Variants in EYS observed in about 807,000 individuals in gnomAD.
EYS encodes protein eyes shut homolog.
A neutral mutation model predicts 282.1 loss-of-function variants in EYS; 250 were observed. The ratio of observed to expected loss-of-function variants is 0.89; its 90% CI spans 0.80 to 0.98. EYS has a LOEUF of 0.98. EYS is among the 50% of genes least tolerant of loss of function. The pLI is 0.00. For missense variants in EYS, 4,016 were observed against 3,709.0 expected (o/e 1.08, Z -2.15); for synonymous variants, 1,355 against 1,282.9 (o/e 1.06, Z -1.20).
chr6:65,687,019 A>T (rs1769043263), intron 1 of EYS, among the ~76,000 whole-genome samples: 1 of 152,086 alleles, frequency 6.6e-6, no homozygotes, highest in African/African-American at 2.4e-5. Context: ...TTCTATAGAA[A>T]TAAAAGGCAT....
At chr6:64,834,898 G>A (rs1310417684) in intron 19 of EYS, among the ~76,000 whole-genome samples, 1 of 151,696 alleles carries the variant, frequency 6.6e-6, no homozygotes, top group Non-Finnish European at 1.5e-5. Flanking sequence ...AAATAGATAA[G>A]GCTAACTGAT....
chr6:64,344,459 C>T (rs1260144058), intron 29 of EYS, among the ~76,000 whole-genome samples: 1 of 152,008 alleles, frequency 6.6e-6, no homozygotes, highest in Non-Finnish European at 1.5e-5. Context: ...ACAAAAACCA[C>T]ATGATTATCT....
chr6:65,211,065 T>TG (rs1411579089), intron 12 of EYS, among the ~76,000 whole-genome samples: 1 of 151,746 alleles, frequency 6.6e-6, no homozygotes, highest in Non-Finnish European at 1.5e-5. Flanking sequence ...AAATGTAAAA[T>TG]GGGGAAGTGT....
chr6:64,942,101 C>T (rs1182789993), intron 15 of EYS, among the ~76,000 whole-genome samples: 1 of 152,072 alleles, frequency 6.6e-6, no homozygotes, highest in Non-Finnish European at 1.5e-5. Flanking sequence ...CTCTTTTCTC[C>T]AATGCCTTAT....
intron 22 of EYS, among the ~76,000 whole-genome samples, chr6:64,775,691 T>C (rs1773658260): frequency 6.6e-6 from 1 of 152,038 alleles, no homozygotes; most frequent in Non-Finnish European, 1.5e-5. Context: ...CACAGTATTT[T>C]TGAAAGACAA....
intron 31 of EYS, among the ~76,000 whole-genome samples, chr6:64,154,813 T>G (rs149289704): frequency 3.3e-5 from 5 of 152,298 alleles, no homozygotes; most frequent in African/African-American, 1.2e-4. Flanking sequence ...AGTAGAGATA[T>G]GTCATGAGGT....
intron 13 of EYS, among the ~76,000 whole-genome samples, chr6:65,052,960 CA>C: frequency 6.6e-6 from 1 of 151,544 alleles, no homozygotes; most frequent in Non-Finnish European, 1.5e-5. Flanking sequence ...CTACAGATAT[CA>C]AAAAATATAC....
chr6:64,451,447 C>CCATT (rs1329782518), intron 26 of EYS, among the ~76,000 whole-genome samples: 1 of 152,130 alleles, frequency 6.6e-6, no homozygotes, highest in Non-Finnish European at 1.5e-5. Context: ...GGAGCTGGTA[C>CCATT]CATTCCTTCT....
chr6:64,943,257 G>A (rs1300955158), intron 15 of EYS, among the ~76,000 whole-genome samples: 3 of 152,032 alleles, frequency 2.0e-5, no homozygotes, highest in African/African-American at 7.2e-5. Context: ...CATACTAAAT[G>A]GGCAAAGTCT....
rs553605569 is a variant in EYS at position 65,007,487 on chromosome 6, C to T, written c.2138-9784G>A. ...ATTATAACACCATCTTACAGCTAGA[C>T]CTGTTTTGTAGGAAAAAGGCAAATG... On this transcript the variant is annotated intron_variant, in intron 13 of 42. Coordinates refer to ENST00000503581, the MANE Select transcript of EYS (RefSeq NM_001142800.2). 8.5e-5 allele frequency among the ~76,000 whole-genome samples: 13 copies of T among 152,240 alleles called. No homozygotes were observed. In the South Asian group the frequency reaches 1.2e-3, roughly 15 times the overall value.
chr6:64,490,825 A>G (rs1237757775), intron 26 of EYS, among the ~76,000 whole-genome samples: 2 of 150,912 alleles, frequency 1.3e-5, no homozygotes, highest in Non-Finnish European at 3.0e-5. Context: ...ATAAAAATGT[A>G]TTTTAAAACT....
chr6:63,917,552 A>G (rs566357615), intron 35 of EYS, among the ~76,000 whole-genome samples: 1 of 152,356 alleles, frequency 6.6e-6, no homozygotes, highest in South Asian at 2.1e-4. Context: ...TGTATTTTAA[A>G]ATCCGTTTAG....
chr6:64,602,756 C>T (rs577682573), intron 24 of EYS, among the ~76,000 whole-genome samples: 7 of 152,058 alleles, frequency 4.6e-5, no homozygotes, highest in African/African-American at 7.2e-5. Flanking sequence ...CCCCCTTTTC[C>T]GAGATCTTTC....
At chr6:63,764,753 G>GA (rs1454247635) in intron 40 of EYS, among the ~76,000 whole-genome samples, 2 of 151,894 alleles carry the variant, frequency 1.3e-5, no homozygotes, top group South Asian at 2.1e-4. Context: ...AATCTTATTT[G>GA]AAAAAATAAC....
At chr6:65,207,104 A>G in intron 12 of EYS, among the ~76,000 whole-genome samples, 1 of 151,794 alleles carries the variant, frequency 6.6e-6, no homozygotes, top group East Asian at 1.9e-4. Flanking sequence ...CACTGATGGC[A>G]TGGTTTTATA....
chr6:64,098,297 A>C (rs559831328), intron 31 of EYS, among the ~76,000 whole-genome samples: 2 of 152,346 alleles, frequency 1.3e-5, no homozygotes, highest in Admixed American at 6.5e-5. Context: ...ATTATGATAC[A>C]GGTATAGAAA....
chr6:64,427,006 C>T (rs913010418), intron 28 of EYS, among the ~76,000 whole-genome samples: 1 of 151,996 alleles, frequency 6.6e-6, no homozygotes, highest in African/African-American at 2.4e-5. Context: ...AAAACTAGAT[C>T]ATTGTTTCTC....
At chr6:65,036,256 CTGAGA>C (rs1165059736) in intron 13 of EYS, among the ~76,000 whole-genome samples, 1 of 151,760 alleles carries the variant, frequency 6.6e-6, no homozygotes, top group African/African-American at 2.4e-5. Context: ...ATAAACGGTG[CTGAGA>C]TAACTAGCTA....
At chr6:63,770,725 T>C (rs1562018308) in intron 40 of EYS, among the ~76,000 whole-genome samples, 1 of 152,148 alleles carries the variant, frequency 6.6e-6, no homozygotes, top group Non-Finnish European at 1.5e-5. Flanking sequence ...TGTGATATGA[T>C]GTATAACATT....
Sources: gnomAD v4.1 joint callset for allele counts (sites outside exome capture counted in the v4.1 genomes callset) on GRCh38, gnomAD v4.1.1 for gene constraint, MANE v1.5 for transcripts, NCBI Gene and HGNC (gene_info 2026-07-23, HGNC 2026-07-21) for gene names.